The following ARHGEF11 variants were observed in gnomAD, a reference collection of about 807,000 sequenced individuals.
The protein encoded by ARHGEF11 is Rho guanine nucleotide exchange factor 11, also known as Rho guanine exchange factor (GEF) 11.
In ARHGEF11, 55 loss-of-function variants were observed where a neutral mutation model predicts 193.7. The observed-to-expected ratio is 0.28, with a 90% CI of 0.23 to 0.36. The LOEUF is 0.36. Among genes scored for constraint, ARHGEF11 ranks in the 10% least tolerant of loss-of-function variants. The pLI, the probability that ARHGEF11 is intolerant of heterozygous loss-of-function variation, is 1.00. For synonymous variants in ARHGEF11, 693 were observed against 768.0 expected, an observed-to-expected ratio of 0.90 and a Z score of 1.62; for missense variants, 1,723 against 2,005.6, an observed-to-expected ratio of 0.86 and a Z score of 2.69.
intron 1 of ARHGEF11, among the ~76,000 whole-genome samples, chr1:157,006,996 T>A (rs1040063155): frequency 6.6e-6 from 1 of 152,160 alleles, no homozygotes; most frequent in Non-Finnish European, 1.5e-5. Flanking sequence ...GGGTTCTGCA[T>A]GCTCAGGCAG....
intron 1 of ARHGEF11, among the ~76,000 whole-genome samples, chr1:157,038,429 T>C (rs2103075165): frequency 6.6e-6 from 1 of 152,354 alleles, no homozygotes; most frequent in South Asian, 2.1e-4. Context: ...AGAGGGATAC[T>C]AGTGACTTTA....
chr1:156,951,166 A>G (rs16837827), intron 22 of ARHGEF11, among the ~76,000 whole-genome samples: 3,054 of 152,274 alleles, frequency 0.02, 56 homozygotes, highest in South Asian at 0.055. Flanking sequence ...TACAGACAGG[A>G]AACCACTTTC....
chr1:156,960,770 T>A (rs952140414), intron 14 of ARHGEF11, among the ~76,000 whole-genome samples: 1 of 152,234 alleles, frequency 6.6e-6, no homozygotes, highest in African/African-American at 2.4e-5. Context: ...GGACCTGTGC[T>A]GACTTAGCAG....
chr1:156,937,529 GCAAA>G (rs1655724916), intron 38 of ARHGEF11, 33 bp from the exon 39 acceptor site: 2 of 1,504,108 alleles, frequency 1.3e-6, no homozygotes, highest in Admixed American at 2.3e-5. Flanking sequence ...AGATCAGGAG[GCAAA>G]CAGAGAAGTC....
At chr1:156,961,008 A>G (rs554789304) in intron 14 of ARHGEF11, among the ~76,000 whole-genome samples, 32 of 152,372 alleles carry the variant, frequency 2.1e-4, no homozygotes, top group Admixed American at 1.8e-3. Flanking sequence ...GAGGGCAAAT[A>G]TAAAACTCTT....
At chr1:156,958,892 AG>A in intron 16 of ARHGEF11, 28 bp from the exon 17 acceptor site, 1 of 1,614,010 alleles carries the variant, frequency 6.2e-7, no homozygotes, top group South Asian at 1.1e-5. Context: ...AGGGAAAGAA[AG>A]AAATATACAC....
In ARHGEF11 at chr1:157,044,386, G is replaced by T; in HGVS notation, c.-56C>A. The T allele has an allele frequency of 1.3e-6, 2 of 1,583,222 alleles. No homozygotes were observed. The highest frequency in any genetic ancestry group is 1.4e-5 in the African/African-American group (1 of 73,960). On this transcript the variant is annotated 5_prime_UTR_variant, in exon 1 of 41. Coordinates refer to ENST00000368194, the MANE Select transcript of ARHGEF11 (RefSeq NM_198236.3). Reference sequence around the variant, plus strand: ...CCTGTAGCTTTGGTGTCTTGATCAGGATTGAATCGCTTGCAATTTTTGAGC... The same window carrying T: ...CCTGTAGCTTTGGTGTCTTGATCAGTATTGAATCGCTTGCAATTTTTGAGC...
intron 6 of ARHGEF11, among the ~76,000 whole-genome samples, chr1:156,977,706 G>A (rs939642907): frequency 3.3e-5 from 5 of 152,270 alleles, no homozygotes; most frequent in Admixed American, 6.5e-5. Flanking sequence ...GAGCCACTGC[G>A]CCTAGCCTCT....
intron 1 of ARHGEF11, among the ~76,000 whole-genome samples, chr1:157,027,504 T>C (rs1387679491): frequency 6.6e-6 from 1 of 151,998 alleles, no homozygotes; most frequent in Non-Finnish European, 1.5e-5. Flanking sequence ...TGGTGAGAGC[T>C]ATAGGAGAAA....
intron 40 of ARHGEF11, among the ~76,000 whole-genome samples, chr1:156,936,497 A>AAAAATATATAT (rs370282821): frequency 8.8e-5 from 3 of 33,914 alleles, no homozygotes; most frequent in Non-Finnish European, 4.6e-5. Flanking sequence ...AAAAAAAAAA[A>AAAAATATATAT]ATATATATAT....
chr1:157,046,278 C>T (rs1673320925), upstream of ARHGEF11, among the ~76,000 whole-genome samples: 1 of 151,584 alleles, frequency 6.6e-6, no homozygotes, highest in Non-Finnish European at 1.5e-5. Context: ...CGCTTTTCCT[C>T]GGCTGCTTTT....
intron 1 of ARHGEF11, among the ~76,000 whole-genome samples, chr1:157,024,849 C>T (rs115975479): frequency 0.013 from 1,965 of 152,244 alleles, 38 homozygotes; most frequent in African/African-American, 0.045. Context: ...CTTGACTAGA[C>T]TACTGTAATA....
intron 11 of ARHGEF11, among the ~76,000 whole-genome samples, chr1:156,967,130 T>C (rs1052715745): frequency 8.5e-5 from 13 of 152,244 alleles, no homozygotes; most frequent in African/African-American, 3.1e-4. Flanking sequence ...AACTTATATT[T>C]AGTGTTACAT....
chr1:156,949,501 G>A (rs996795771), intron 22 of ARHGEF11, among the ~76,000 whole-genome samples: 17 of 152,094 alleles, frequency 1.1e-4, no homozygotes, highest in Admixed American at 8.5e-4. Flanking sequence ...TAAATGTCTC[G>A]GTCTCCATTC....
intron 1 of ARHGEF11, among the ~76,000 whole-genome samples, chr1:157,036,114 AATATATATATGAAAAT>A (rs1291051358): frequency 3.7e-4 from 54 of 144,046 alleles, no homozygotes; most frequent in Non-Finnish European, 7.7e-4. Context: ...AATATATATG[AATATATATATGAAAAT>A]ATATATATGA....
chr1:157,024,221 C>G (rs1163911842), intron 1 of ARHGEF11, among the ~76,000 whole-genome samples: 1 of 152,034 alleles, frequency 6.6e-6, no homozygotes, highest in Admixed American at 6.5e-5. Context: ...TGAAATGTCC[C>G]AAATAGGCAA....
chr1:156,945,077 T>C lies in ARHGEF11; in HGVS notation c.2933A>G (p.Lys978Arg). The C allele has an allele frequency of 6.2e-7, 1 of 1,614,190 alleles. No individual in the cohort carries two copies. The stretch of plus-strand genomic sequence containing the variant: ...CTCCAGGGCGGTGGCATCCAGGCGT[T>C]TCTGGTAGCCCTCTAAACGGTGGCG... ...ENRHRLEGYQ[K>R]RLDATALERA... The change falls in exon 30 of 41, where the codon AAA (lysine) becomes AGA (arginine). Residue 978 changes from lysine to arginine, a missense_variant. By Grantham distance (26) the Lys-to-Arg change is conservative. Transcript: ENST00000368194.
At chr1:156,983,190 C>G (rs1257854304) in intron 3 of ARHGEF11, among the ~76,000 whole-genome samples, 1 of 152,074 alleles carries the variant, frequency 6.6e-6, no homozygotes, top group Non-Finnish European at 1.5e-5. Context: ...TTTAAGGACT[C>G]TCCCACACCC....
At chr1:157,027,036 T>G (rs1187944745) in intron 1 of ARHGEF11, among the ~76,000 whole-genome samples, 1 of 152,196 alleles carries the variant, frequency 6.6e-6, no homozygotes, top group African/African-American at 2.4e-5. Flanking sequence ...AAAACCCTAA[T>G]TGGAGATTTT....
Sources: allele counts gnomAD v4.1 joint callset (sites outside exome capture counted in the v4.1 genomes callset), GRCh38; gene constraint gnomAD v4.1.1; transcripts MANE v1.5; gene names NCBI Gene and HGNC (gene_info 2026-07-23, HGNC 2026-07-21).